Variants in DNAH5 observed in about 807,000 individuals in gnomAD.
DNAH5 encodes dynein axonemal heavy chain 5, also known as axonemal beta dynein heavy chain 5.
In DNAH5, 372 loss-of-function variants were observed where a neutral mutation model predicts 518.2. The observed-to-expected ratio is 0.72, with a 90% CI of 0.66 to 0.78. The LOEUF (loss-of-function observed/expected upper bound fraction) is 0.78, where lower values mean the gene tolerates loss of function less well. Among genes scored for constraint, DNAH5 ranks in the 30% least tolerant of loss-of-function variants. The probability of loss-of-function intolerance (pLI) is 0.00; values close to 1 mark genes in which losing one functional copy is unlikely to be tolerated. For synonymous variants in DNAH5, 2,039 were observed against 2,025.9 expected (o/e 1.01, Z -0.17); for missense variants, 5,523 against 5,687.0 (o/e 0.97, Z 0.93).
rs746476934 is a variant in DNAH5 at position 13,901,408 on chromosome 5, C to G, written c.1896G>C (p.Gln632His). 2.5e-6 allele frequency: 4 copies of G among 1,614,094 alleles called. No homozygotes were observed. The highest frequency in any genetic ancestry group is 1.3e-5 in the African/African-American group (1 of 75,044). ...PIAGKILWARQLFHRIQQPMQ... is the reference protein window; with the variant it reads ...PIAGKILWARHLFHRIQQPMQ... ...TGGGCTGCTGAATCCTATGGAAGAGCTGGCGGGCCCACAAAATCTTTCCAG... is the reference window on the plus strand; with the variant it reads ...TGGGCTGCTGAATCCTATGGAAGAGGTGGCGGGCCCACAAAATCTTTCCAG... The change falls in exon 14 of 79, where the codon CAG (glutamine) becomes CAC (histidine). Residue 632 changes from glutamine (Q) to histidine (H), a missense_variant. Around this residue, in one of 3 missense-constraint regions of DNAH5, gnomAD observed 5,121 missense variants for 5,223.3 expected, o/e 0.98. Transcript: ENST00000265104.
At chr5:13,898,424 C>T (rs1242055698) in intron 15 of DNAH5, 1 of 397,268 alleles carries the variant, frequency 2.5e-6, no homozygotes, top group Non-Finnish European at 4.4e-6. Context: ...GTGAAAGAGT[C>T]TAAAAGGGAA....
At chr5:13,741,230 G>A (rs1366489766) in intron 65 of DNAH5, among the ~76,000 whole-genome samples, 1 of 152,172 alleles carries the variant, frequency 6.6e-6, no homozygotes, top group African/African-American at 2.4e-5. Flanking sequence ...GTTTCAGCCA[G>A]TTAATCACCA....
intron 40 of DNAH5, among the ~76,000 whole-genome samples, chr5:13,822,386 G>C (rs1762342761): frequency 1.3e-5 from 2 of 151,988 alleles, no homozygotes; most frequent in Admixed American, 1.3e-4. Context: ...GAGTAGATGG[G>C]ACTATAGGCA....
chr5:13,771,206 A>T (rs1429954781), intron 55 of DNAH5: 2 of 533,306 alleles, frequency 3.8e-6, no homozygotes, highest in Non-Finnish European at 6.7e-6. Flanking sequence ...GCCTATCAAC[A>T]CTCTTTGTTG....
intron 1 of DNAH5, among the ~76,000 whole-genome samples, chr5:13,974,138 C>CT (rs373199315): frequency 0.044 from 6,094 of 139,866 alleles, 229 homozygotes; most frequent in Middle Eastern, 0.12. Context: ...TTTTTCTTTT[C>CT]TTTTCTTTTT....
intron 59 of DNAH5, 81 bp from the exon 60 acceptor site, chr5:13,762,982 A>C: frequency 8.3e-7 from 1 of 1,203,104 alleles, no homozygotes. Flanking sequence ...AATGCCACTG[A>C]AACTACTGAA....
At chr5:13,851,144 G>T (rs1473783377) in intron 30 of DNAH5, among the ~76,000 whole-genome samples, 1 of 152,108 alleles carries the variant, frequency 6.6e-6, no homozygotes, top group African/African-American at 2.4e-5. Context: ...ATCTCTAAAT[G>T]AAGTACATTT....
intron 12 of DNAH5, among the ~76,000 whole-genome samples, chr5:13,904,121 T>C (rs1231853145): frequency 6.6e-6 from 1 of 151,124 alleles, no homozygotes; most frequent in Non-Finnish European, 1.5e-5. Flanking sequence ...ATAAATACAA[T>C]ATTAAAAATA....
chr5:13,889,028 T>A (rs1772817125), intron 17 of DNAH5, among the ~76,000 whole-genome samples: 2 of 152,202 alleles, frequency 1.3e-5, no homozygotes, highest in Admixed American at 1.3e-4. Flanking sequence ...TGACGAAATG[T>A]TAACTGGGAG....
intron 5 of DNAH5, among the ~76,000 whole-genome samples, chr5:13,921,436 G>GTCTCTCTCTCTC (rs146530328): frequency 1.8e-4 from 22 of 125,248 alleles, no homozygotes; most frequent in African/African-American, 5.6e-4. Flanking sequence ...CTCTCTCTCT[G>GTCTCTCTCTCTC]TCTCTCTCTC....
chr5:13,885,332 A>G, intron 18 of DNAH5, 104 bp from the exon 19 acceptor site: 1 of 1,397,106 alleles, frequency 7.2e-7, no homozygotes, highest in South Asian at 1.2e-5. Flanking sequence ...TTGCAATTAA[A>G]GGATAAATTA....
rs115716297 is a variant in DNAH5, at chr5:13,891,983, T to C, written c.2432-862A>G. 5.8e-3 allele frequency among the ~76,000 whole-genome samples: 876 copies of C among 152,312 alleles called. 1 individual carries two copies. The highest frequency in any genetic ancestry group is 7.9e-3 in the Non-Finnish European group (534 of 68,020). ...CTCTTTTTCTAATACTCCTTTCTCC[T>C]GGGAAATAAAGCTGAAATTGAATAC... On this transcript the variant is annotated intron_variant, in intron 16 of 78. Coordinates refer to ENST00000265104, the MANE Select transcript of DNAH5 (RefSeq NM_001369.3).
At chr5:13,973,433 G>A (rs1349896577) in intron 1 of DNAH5, among the ~76,000 whole-genome samples, 1 of 152,156 alleles carries the variant, frequency 6.6e-6, no homozygotes, top group African/African-American at 2.4e-5. Context: ...GAGAGTGTTC[G>A]TTGCCACATC....
chr5:13,822,002 C>T (rs1762295794), intron 40 of DNAH5, among the ~76,000 whole-genome samples: 1 of 152,054 alleles, frequency 6.6e-6, no homozygotes, highest in African/African-American at 2.4e-5. Context: ...CGCTATGTTG[C>T]TCAGGCTAGC....
At chr5:14,000,009 C>T (rs1289622144) in intron 1 of DNAH5, among the ~76,000 whole-genome samples, 4 of 152,224 alleles carry the variant, frequency 2.6e-5, no homozygotes, top group Admixed American at 2.6e-4. Context: ...ATAATAGGTT[C>T]ATGCATCATA....
chr5:13,760,222 A>G (rs1231112125), intron 60 of DNAH5, among the ~76,000 whole-genome samples: 5 of 152,192 alleles, frequency 3.3e-5, no homozygotes, highest in Non-Finnish European at 5.9e-5. Context: ...CCAATAAATA[A>G]ATAAATAAAA....
chr5:13,814,956 A>G, intron 42 of DNAH5, 110 bp from the exon 43 acceptor site: 1 of 1,054,724 alleles, frequency 9.5e-7, no homozygotes. Context: ...AATTTTCATT[A>G]ATTTTTAAAT....
chr5:13,976,170 T>A (rs775884988), intron 1 of DNAH5, among the ~76,000 whole-genome samples: 13 of 152,240 alleles, frequency 8.5e-5, no homozygotes, highest in Non-Finnish European at 1.6e-4. Context: ...ATTAGAATTA[T>A]GAAAATAATT....
chr5:13,789,145 CAAT>C (rs941769559), intron 50 of DNAH5, among the ~76,000 whole-genome samples: 10 of 152,148 alleles, frequency 6.6e-5, no homozygotes, highest in African/African-American at 2.2e-4. Context: ...AATCCTCCAA[CAAT>C]AATATTGAAA....
Sources: allele counts gnomAD v4.1 joint callset (sites outside exome capture counted in the v4.1 genomes callset), GRCh38; gene constraint gnomAD v4.1.1; regional missense constraint gnomAD v4.1.1; transcripts MANE v1.5; gene names NCBI Gene and HGNC (gene_info 2026-07-23, HGNC 2026-07-21).